The following ICA1 variants were observed in gnomAD, a reference collection of about 807,000 sequenced individuals.
ICA1 encodes islet cell autoantigen 1.
ICA1 carries 40 observed loss-of-function variants against 71.0 expected under a neutral mutation model. The observed-to-expected ratio is 0.56, with a 90% confidence interval of 0.44 to 0.73. ICA1 has a LOEUF of 0.73. Among genes scored for constraint, ICA1 ranks in the 30% least tolerant of loss-of-function variants. ICA1 has a pLI of 0.00. For synonymous variants in ICA1, 207 were observed against 209.5 expected (o/e 0.99, Z 0.10); for missense variants, 578 against 576.5 (o/e 1.00, Z -0.03).
chr7:8,179,895 T>G (rs1326413255), intron 6 of ICA1, among the ~76,000 whole-genome samples: 1 of 152,198 alleles, frequency 6.6e-6, no homozygotes, highest in Non-Finnish European at 1.5e-5. Context: ...CTTTTCTTTC[T>G]AAAGGGCTTC....
intron 1 of ICA1, among the ~76,000 whole-genome samples, chr7:8,254,687 C>G (rs1414780179): frequency 6.6e-6 from 1 of 151,376 alleles, no homozygotes; most frequent in African/African-American, 2.4e-5. Context: ...GGTAGAAAAC[C>G]CAGAAAGTTG....
chr7:8,208,015 G>T (rs1242958956), intron 6 of ICA1, among the ~76,000 whole-genome samples: 1 of 152,130 alleles, frequency 6.6e-6, no homozygotes, highest in Non-Finnish European at 1.5e-5. Context: ...GGAATGCTTT[G>T]TTGAGGGTTA....
At chr7:8,149,197 T>C (rs898780532) in intron 8 of ICA1, among the ~76,000 whole-genome samples, 2 of 152,156 alleles carry the variant, frequency 1.3e-5, no homozygotes, top group Non-Finnish European at 2.9e-5. Flanking sequence ...CACATACGAA[T>C]CCACGTCCAG....
At chr7:8,133,846 CTTTTTTTTT>C (rs57086182) in intron 12 of ICA1, among the ~76,000 whole-genome samples, 20 of 118,892 alleles carry the variant, frequency 1.7e-4, no homozygotes, top group African/African-American at 6.0e-4. Flanking sequence ...AAAAATCATA[CTTTTTTTTT>C]TTTTTTTTTT....
chr7:8,188,404 C>T (rs912255792), intron 6 of ICA1, among the ~76,000 whole-genome samples: 1 of 152,150 alleles, frequency 6.6e-6, no homozygotes. Context: ...CTTCCATGGT[C>T]GCTTCCTTGC....
intron 1 of ICA1, among the ~76,000 whole-genome samples, chr7:8,239,338 T>C (rs185056197): frequency 1.8e-4 from 28 of 152,356 alleles, no homozygotes; most frequent in African/African-American, 6.5e-4. Context: ...TTATCAGACA[T>C]AAACTGAGCA....
chr7:8,251,242 T>C (rs760782439), intron 1 of ICA1, among the ~76,000 whole-genome samples: 5 of 152,014 alleles, frequency 3.3e-5, no homozygotes, highest in Non-Finnish European at 5.9e-5. Flanking sequence ...AGGTGTTATA[T>C]ACAATGATTA....
chr7:8,135,844 T>A (rs189637044), intron 12 of ICA1, among the ~76,000 whole-genome samples: 2 of 152,316 alleles, frequency 1.3e-5, no homozygotes, highest in Admixed American at 1.3e-4. Flanking sequence ...CTTATGAGAC[T>A]TAGGTGAGTT....
intron 6 of ICA1, among the ~76,000 whole-genome samples, chr7:8,168,003 G>C (rs993549103): frequency 2.8e-5 from 4 of 142,974 alleles, no homozygotes; most frequent in Non-Finnish European, 6.0e-5. Flanking sequence ...AGAAAAACAG[G>C]GGGGAGAGAG....
Position 8,222,959 on chromosome 7 carries a change from G to A in ICA1, c.257-1561C>T, listed in dbSNP as rs370206100. Among the ~76,000 whole-genome samples, 273 of 152,190 alleles carry A rather than the reference G, an allele frequency of 1.8e-3. 2 individuals carry two copies. Among genetic ancestry groups the A allele is most frequent in the African/African-American group, 6.3e-3 (262 of 41,532 alleles). ...GCTGAGCATAAAGTCTTAAATTCACGGTGCTAATTAAATGCTTGTGAATTG... is the reference window on the plus strand; with the variant it reads ...GCTGAGCATAAAGTCTTAAATTCACAGTGCTAATTAAATGCTTGTGAATTG... On this transcript the variant is annotated intron_variant, in intron 4 of 13. Coordinates refer to ENST00000402384, the MANE Select transcript of ICA1 (RefSeq NM_001136020.3). The surrounding 1 kb of genome is among the most constrained non-coding windows in gnomAD (Gnocchi z 4.8).
chr7:8,249,831 G>C (rs974063235), intron 1 of ICA1, among the ~76,000 whole-genome samples: 2 of 152,134 alleles, frequency 1.3e-5, no homozygotes, highest in African/African-American at 4.8e-5. Flanking sequence ...CAGTTTATTA[G>C]ACTGACTATT....
chr7:8,236,793 C>G (rs2128473963), intron 1 of ICA1: 2 of 152,658 alleles, frequency 1.3e-5, no homozygotes, highest in Middle Eastern at 6.5e-3. Context: ...CCAGCCCAGC[C>G]ACATTAGCCC....
chr7:8,134,851 A>T (rs949697330), intron 12 of ICA1, among the ~76,000 whole-genome samples: 2 of 152,096 alleles, frequency 1.3e-5, no homozygotes, highest in Non-Finnish European at 2.9e-5. Context: ...CAAAACAAAA[A>T]ACAAACAACA....
At chr7:8,156,718 T>C (rs752795267) in intron 8 of ICA1, 91 of 1,030,956 alleles carry the variant, frequency 8.8e-5, no homozygotes, top group Non-Finnish European at 4.4e-5. Context: ...AGTGAGGATA[T>C]TTGAATATAA....
intron 6 of ICA1, among the ~76,000 whole-genome samples, chr7:8,207,611 C>T (rs184194372): frequency 6.6e-6 from 1 of 152,280 alleles, no homozygotes; most frequent in African/African-American, 2.4e-5. Flanking sequence ...CTAAAGGAGA[C>T]AAAGCGAAGA....
intron 4 of ICA1, among the ~76,000 whole-genome samples, chr7:8,225,748 T>C (rs1306355804): frequency 6.6e-6 from 1 of 152,236 alleles, no homozygotes; most frequent in Non-Finnish European, 1.5e-5. Flanking sequence ...TTGATGACAG[T>C]GCAACACCAC....
At chr7:8,152,582 C>T (rs1414859193) in intron 8 of ICA1, among the ~76,000 whole-genome samples, 1 of 151,352 alleles carries the variant, frequency 6.6e-6, no homozygotes, top group Non-Finnish European at 1.5e-5. Context: ...CCACCATCTC[C>T]TTCACCACCA....
chr7:8,231,515 C>A (rs1275838115), intron 3 of ICA1, among the ~76,000 whole-genome samples: 1 of 152,118 alleles, frequency 6.6e-6, no homozygotes, highest in African/African-American at 2.4e-5. Context: ...CTACTTTAAT[C>A]TTGATAATAG....
In ICA1 at chr7:8,130,922, T is replaced by C. The variant is rs1428733904; in HGVS notation, c.1061-2780A>G. 6.6e-6 allele frequency among the ~76,000 whole-genome samples: 1 copy of C among 152,198 alleles called. No homozygotes were observed. The highest frequency in any genetic ancestry group is 1.5e-5 in the Non-Finnish European group (1 of 68,044). ...CCCTCTGCTTCTTCAGTTTTCCCTT[T>C]GGGAAAATGCCTTCTCCATGTGATC... On this transcript the variant is annotated intron_variant, in intron 12 of 13. Transcript: ENST00000402384. This position sits in a 1 kb window ranked among gnomAD's most constrained non-coding sequence, Gnocchi z 4.2.
Sources: allele counts gnomAD v4.1 joint callset (sites outside exome capture counted in the v4.1 genomes callset), GRCh38; gene constraint gnomAD v4.1.1; non-coding constraint Gnocchi (gnomAD v3.1); transcripts MANE v1.5; gene names NCBI Gene and HGNC (gene_info 2026-07-23, HGNC 2026-07-21).